ADGRB3: variants seen among roughly 807,000 people sequenced by gnomAD.
The protein encoded by ADGRB3 is brain-specific angiogenesis inhibitor 3.
A neutral mutation model predicts 193.4 loss-of-function variants in ADGRB3; 37 were observed. The ratio of observed to expected loss-of-function variants is 0.19; its 90% CI spans 0.15 to 0.25. The LOEUF (loss-of-function observed/expected upper bound fraction) is 0.25, where lower values mean the gene tolerates loss of function less well. Among genes scored for constraint, ADGRB3 ranks in the 10% least tolerant of loss-of-function variants. The probability of loss-of-function intolerance (pLI) is 1.00; values close to 1 mark genes in which losing one functional copy is unlikely to be tolerated. For synonymous variants in ADGRB3, 690 were observed against 644.2 expected (o/e 1.07, Z -1.08); for missense variants, 1,637 against 1,852.9 (o/e 0.88, Z 2.14).
At chr6:69,086,579 C>T (rs757474036) in intron 17 of ADGRB3, among the ~76,000 whole-genome samples, 1 of 152,132 alleles carries the variant, frequency 6.6e-6, no homozygotes, top group Admixed American at 6.6e-5. Context: ...TTTGAGAATA[C>T]AGCCAAAGGT....
chr6:68,960,552 T>G (rs1172608046), intron 8 of ADGRB3, among the ~76,000 whole-genome samples: 1 of 152,178 alleles, frequency 6.6e-6, no homozygotes, highest in Non-Finnish European at 1.5e-5. Flanking sequence ...CGGTTCCTTA[T>G]TTGTATAAGG....
rs1769980910 is a variant in ADGRB3 at position 69,382,845 on chromosome 6, A to G, written c.4290A>G (p.Thr1430=). The stretch of plus-strand genomic sequence containing the variant: ...CTTTTTTGCAGAAGGTCATGCATAC[A>G]AGGAAGAGGCATATGGAACTATTTC... ...SDLDFEKVMH[T]RKRHMELFQE... Residue 1430 remains threonine (T), a synonymous_variant, in exon 31 of 32, where the codon ACA becomes ACG. Coordinates refer to ENST00000370598, the MANE Select transcript of ADGRB3 (RefSeq NM_001704.3). 6.2e-7 allele frequency: 1 copy of G among 1,606,952 alleles called. No individual in the cohort carries two copies. Among genetic ancestry groups the G allele is most frequent in the Non-Finnish European group, 8.5e-7 (1 of 1,176,540 alleles).
chr6:69,257,250 A>G (rs1251562895), intron 20 of ADGRB3, among the ~76,000 whole-genome samples: 3 of 152,090 alleles, frequency 2.0e-5, no homozygotes, highest in South Asian at 2.1e-4. Flanking sequence ...CTCTTTTTCT[A>G]TTGATTGGAA....
At chr6:68,685,922 T>A (rs189440840) in intron 3 of ADGRB3, among the ~76,000 whole-genome samples, 150 of 152,204 alleles carry the variant, frequency 9.9e-4, no homozygotes, top group Admixed American at 2.4e-3. Context: ...TTTCTCAACA[T>A]AAGCTTCCTA....
chr6:69,093,600 T>G, intron 17 of ADGRB3, among the ~76,000 whole-genome samples: 1 of 141,776 alleles, frequency 7.1e-6, no homozygotes. Context: ...AAGAGAGGGA[T>G]AGATAGCATA....
chr6:68,937,371 A>G (rs943850801), intron 5 of ADGRB3, among the ~76,000 whole-genome samples: 2 of 152,224 alleles, frequency 1.3e-5, no homozygotes, highest in Non-Finnish European at 2.9e-5. Flanking sequence ...TCTCCCTCCC[A>G]GACTACAGAC....
At position 68,943,853 on chromosome 6, in the gene ADGRB3, T is replaced by C; in HGVS notation, c.1054T>C (p.Ser352Pro). 5 of 1,613,364 alleles carry C rather than the reference T, an allele frequency of 3.1e-6. No individual in the cohort carries two copies. Among genetic ancestry groups the C allele is most frequent in the Non-Finnish European group, 4.2e-6 (5 of 1,179,478 alleles). ...CPVHGVWEEW[S>P]PWSLCSFTCG... is the part of the protein sequence containing the mutation. Reference sequence around the variant, plus strand: ...AGTACACGGAGTATGGGAGGAATGGTCACCATGGAGTTTATGTTCATTTAC... The same window carrying C: ...AGTACACGGAGTATGGGAGGAATGGCCACCATGGAGTTTATGTTCATTTAC... Residue 352 changes from serine to proline, a missense_variant, in exon 6 of 32, where the codon TCA (serine) becomes CCA (proline). Coordinates refer to ENST00000370598, the MANE Select transcript of ADGRB3 (RefSeq NM_001704.3).
chr6:68,804,254 T>G (rs756354251), intron 3 of ADGRB3, among the ~76,000 whole-genome samples: 7 of 152,306 alleles, frequency 4.6e-5, no homozygotes, highest in Non-Finnish European at 8.8e-5. Flanking sequence ...GCTGTTGCCC[T>G]CTGTCTGTAA....
At chr6:68,933,001 A>G (rs1767384522) in intron 4 of ADGRB3, among the ~76,000 whole-genome samples, 1 of 150,712 alleles carries the variant, frequency 6.6e-6, no homozygotes, top group African/African-American at 2.4e-5. Context: ...AAAGAGTAAC[A>G]TTTGATAAAG....
At chr6:68,960,407 G>A (rs1271385760) in intron 8 of ADGRB3, among the ~76,000 whole-genome samples, 1 of 152,124 alleles carries the variant, frequency 6.6e-6, no homozygotes, top group Non-Finnish European at 1.5e-5. Flanking sequence ...CTAAAGGAGG[G>A]CAGCCGTAGT....
intron 30 of ADGRB3, among the ~76,000 whole-genome samples, chr6:69,373,359 T>A (rs983001242): frequency 6.6e-5 from 10 of 152,048 alleles, no homozygotes; most frequent in African/African-American, 1.9e-4. Flanking sequence ...ACAATGTACA[T>A]CATGTGTCAA....
At chr6:69,306,386 T>A (rs1768067446) in intron 20 of ADGRB3, among the ~76,000 whole-genome samples, 2 of 151,558 alleles carry the variant, frequency 1.3e-5, no homozygotes, top group South Asian at 4.1e-4. Context: ...CATAGCATAA[T>A]GTGTTGCCTC....
intron 31 of ADGRB3, among the ~76,000 whole-genome samples, chr6:69,386,165 T>A (rs994924643): frequency 2.6e-5 from 4 of 152,118 alleles, no homozygotes; most frequent in African/African-American, 9.6e-5. Context: ...ATAGGTCATG[T>A]AGTGACAATA....
At chr6:68,688,465 C>T (rs974212273) in intron 3 of ADGRB3, among the ~76,000 whole-genome samples, 5 of 152,084 alleles carry the variant, frequency 3.3e-5, no homozygotes, top group African/African-American at 9.7e-5. Context: ...AAACATCAAG[C>T]ATCTAGAGAA....
intron 17 of ADGRB3, among the ~76,000 whole-genome samples, chr6:69,166,508 C>A (rs62406806): frequency 0.11 from 16,342 of 152,090 alleles, 1,112 homozygotes; most frequent in Non-Finnish European, 0.15. Context: ...TTTATAAATT[C>A]ATAATCTATT....
At chr6:68,954,923 C>T (rs1412119777) in intron 6 of ADGRB3, among the ~76,000 whole-genome samples, 1 of 152,104 alleles carries the variant, frequency 6.6e-6, no homozygotes, top group East Asian at 1.9e-4. Flanking sequence ...CCTTTTGATC[C>T]GCCTGCCTCA....
At chr6:68,864,024 T>G (rs529173447) in intron 3 of ADGRB3, among the ~76,000 whole-genome samples, 1 of 152,332 alleles carries the variant, frequency 6.6e-6, no homozygotes, top group East Asian at 1.9e-4. Context: ...ATTCAGTATT[T>G]ATACCCCTAT....
chr6:69,251,417 A>G (rs1203697610), intron 20 of ADGRB3, among the ~76,000 whole-genome samples: 1 of 152,148 alleles, frequency 6.6e-6, no homozygotes, highest in Non-Finnish European at 1.5e-5. Flanking sequence ...TTTAATTAAT[A>G]TCCAGAAGAG....
chr6:69,154,976 T>C (rs1774791171), intron 17 of ADGRB3, among the ~76,000 whole-genome samples: 1 of 152,250 alleles, frequency 6.6e-6, no homozygotes, highest in Admixed American at 6.5e-5. Context: ...TTGCTCTGGC[T>C]TTGACAGTTT....
Sources: gnomAD v4.1 joint callset for allele counts (sites outside exome capture counted in the v4.1 genomes callset) on GRCh38, gnomAD v4.1.1 for gene constraint, MANE v1.5 for transcripts, NCBI Gene and HGNC (gene_info 2026-07-23, HGNC 2026-07-21) for gene names.